Variants in RPH3A observed in about 807,000 individuals in gnomAD.
RPH3A encodes rabphilin-3A.
In RPH3A, 48 loss-of-function variants were observed where a neutral mutation model predicts 102.2. The ratio of observed to expected loss-of-function variants is 0.47; its 90% CI spans 0.37 to 0.60. The LOEUF (loss-of-function observed/expected upper bound fraction) is 0.60, where lower values mean the gene tolerates loss of function less well. RPH3A is among the 20% of genes least tolerant of loss of function. The pLI is 0.00. For synonymous variants in RPH3A, 310 were observed against 324.3 expected, an observed-to-expected ratio of 0.96 and a Z score of 0.47; for missense variants, 781 against 910.1, an observed-to-expected ratio of 0.86 and a Z score of 1.83.
At chr12:112,793,131 C>T (rs1286006703) in intron 2 of RPH3A, among the ~76,000 whole-genome samples, 1 of 152,134 alleles carries the variant, frequency 6.6e-6, no homozygotes, top group East Asian at 1.9e-4. Flanking sequence ...TTCCAAGATC[C>T]TGATGGGGAA....
chr12:112,669,977 A>G (rs1198839074), intron 1 of RPH3A, among the ~76,000 whole-genome samples: 1 of 152,192 alleles, frequency 6.6e-6, no homozygotes, highest in African/African-American at 2.4e-5. Flanking sequence ...ATGTTTTGTT[A>G]CTATAAACAA....
chr12:112,711,925 C>T (rs1395334052), intron 1 of RPH3A, among the ~76,000 whole-genome samples: 3 of 152,116 alleles, frequency 2.0e-5, no homozygotes, highest in Non-Finnish European at 2.9e-5. Context: ...CTCTGCCTCC[C>T]GGGTTCAAGC....
chr12:112,733,921 C>T (rs1057140792), intron 1 of RPH3A, among the ~76,000 whole-genome samples: 1 of 152,122 alleles, frequency 6.6e-6, no homozygotes, highest in Non-Finnish European at 1.5e-5. Flanking sequence ...GCTCTGGTAA[C>T]AATAGTATTA....
Position 112,866,849 on chromosome 12 carries a change from C to T in RPH3A, c.444+9C>T, listed in dbSNP as rs369844314. 4.2e-5 allele frequency: 67 copies of T among 1,595,276 alleles called. No homozygotes were observed. The highest frequency in any genetic ancestry group is 5.6e-5 in the Non-Finnish European group (65 of 1,167,596). On this transcript the variant is annotated intron_variant, in intron 7 of 21. Coordinates refer to ENST00000389385, the MANE Select transcript of RPH3A (RefSeq NM_001143854.2). ...GCATTGAGCAGAGGGAGGTGAGTGC[C>T]CTGGTCCCACCTGGTGCCTAGATCA...
intron 1 of RPH3A, among the ~76,000 whole-genome samples, chr12:112,635,658 C>A (rs1253629557): frequency 6.6e-6 from 1 of 152,076 alleles, no homozygotes; most frequent in Non-Finnish European, 1.5e-5. Flanking sequence ...TATCTCCTAC[C>A]CCTTTTAGTG....
chr12:112,878,854 A>G (rs1241220947), intron 13 of RPH3A, among the ~76,000 whole-genome samples: 1 of 152,212 alleles, frequency 6.6e-6, no homozygotes, highest in Non-Finnish European at 1.5e-5. Flanking sequence ...AATCCCAGCT[A>G]TTGCCCTCAT....
intron 2 of RPH3A, among the ~76,000 whole-genome samples, chr12:112,799,340 G>A (rs1455060808): frequency 6.6e-6 from 1 of 152,308 alleles, no homozygotes; most frequent in South Asian, 2.1e-4. Flanking sequence ...GTGAGCTGTG[G>A]TTGTGCCACT....
intron 1 of RPH3A, among the ~76,000 whole-genome samples, chr12:112,657,797 T>C (rs2040023125): frequency 6.6e-6 from 1 of 151,974 alleles, no homozygotes; most frequent in African/African-American, 2.4e-5. Flanking sequence ...GGGAAGTGGG[T>C]AGGGAGTGCT....
At chr12:112,689,715 C>A (rs1362393902) in intron 1 of RPH3A, among the ~76,000 whole-genome samples, 1 of 152,220 alleles carries the variant, frequency 6.6e-6, no homozygotes, top group Non-Finnish European at 1.5e-5. Flanking sequence ...CTGTCTACCT[C>A]TGCTGAAGGC....
At chr12:112,860,207 T>C (rs961083640) in intron 5 of RPH3A, among the ~76,000 whole-genome samples, 2 of 152,194 alleles carry the variant, frequency 1.3e-5, no homozygotes, top group Non-Finnish European at 2.9e-5. Context: ...GCTCCAGCAT[T>C]TGAGCTGCAG....
intron 1 of RPH3A, among the ~76,000 whole-genome samples, chr12:112,727,034 C>CAAATAAAT (rs987296032): frequency 6.6e-6 from 1 of 151,424 alleles, no homozygotes; most frequent in Admixed American, 6.6e-5. Flanking sequence ...AATAAATAAA[C>CAAATAAAT]AAATAAATAA....
At chr12:112,584,571 A>C (rs67116570) in intron 1 of RPH3A, among the ~76,000 whole-genome samples, 16,859 of 152,216 alleles carry the variant, frequency 0.11, 1,099 homozygotes, top group South Asian at 0.34. Flanking sequence ...GGGGCACCTC[A>C]GGCGTCATTC....
At chr12:112,844,131 C>T (rs910699233) in intron 4 of RPH3A, among the ~76,000 whole-genome samples, 1 of 152,172 alleles carries the variant, frequency 6.6e-6, no homozygotes, top group African/African-American at 2.4e-5. Context: ...GGTGTTCATG[C>T]CTTTGTGTAA....
chr12:112,694,650 G>GCACACACACACA (rs71086119), intron 1 of RPH3A, among the ~76,000 whole-genome samples: 6 of 98,544 alleles, frequency 6.1e-5, no homozygotes, highest in Non-Finnish European at 8.5e-5. Context: ...GCGCGCACAC[G>GCACACACACACA]CACACACACA....
chr12:112,713,089 T>C (rs1260379974), intron 1 of RPH3A, among the ~76,000 whole-genome samples: 3 of 140,040 alleles, frequency 2.1e-5, no homozygotes, highest in Non-Finnish European at 3.0e-5. Context: ...CTTCTTCTTC[T>C]TCTTCTTCTT....
intron 17 of RPH3A, 49 bp downstream of exon 17, chr12:112,887,972 G>A (rs748163426): frequency 1.2e-6 from 2 of 1,600,812 alleles, no homozygotes; most frequent in African/African-American, 1.3e-5. Context: ...GAGATTGGGG[G>A]AGCTGCCTTC....
At chr12:112,890,322 G>T (rs184574683) in intron 18 of RPH3A, among the ~76,000 whole-genome samples, 231 of 152,310 alleles carry the variant, frequency 1.5e-3, no homozygotes, top group African/African-American at 5.4e-3. Flanking sequence ...TGGCCTTGTT[G>T]TCAGAAGCTT....
chr12:112,701,479 G>A (rs2040393982), intron 1 of RPH3A, among the ~76,000 whole-genome samples: 2 of 152,224 alleles, frequency 1.3e-5, no homozygotes, highest in Non-Finnish European at 2.9e-5. Flanking sequence ...GAGAAGGTGG[G>A]TGGTAGTTTC....
chr12:112,807,726 G>A (rs558574963), intron 2 of RPH3A, among the ~76,000 whole-genome samples: 4 of 152,108 alleles, frequency 2.6e-5, no homozygotes, highest in South Asian at 2.1e-4. Flanking sequence ...TGAGCTTGAT[G>A]TTCTGGAAAA....
Sources: gnomAD v4.1 joint callset for allele counts (sites outside exome capture counted in the v4.1 genomes callset) on GRCh38, gnomAD v4.1.1 for gene constraint, MANE v1.5 for transcripts, NCBI Gene and HGNC (gene_info 2026-07-23, HGNC 2026-07-21) for gene names.